CRIM1: variants seen among roughly 807,000 people sequenced by gnomAD.
CRIM1 encodes cysteine-rich motor neuron 1 protein.
CRIM1 carries 32 observed loss-of-function variants against 116.4 expected under a neutral mutation model. The observed-to-expected ratio is 0.27, with a 90% confidence interval of 0.21 to 0.37. CRIM1 has a LOEUF of 0.37. Among genes scored for constraint, CRIM1 ranks in the 10% least tolerant of loss-of-function variants. The probability of loss-of-function intolerance (pLI) is 1.00; values close to 1 mark genes in which losing one functional copy is unlikely to be tolerated. For missense variants in CRIM1, 1,331 were observed against 1,354.8 expected, an observed-to-expected ratio of 0.98 and a Z score of 0.28; for synonymous variants, 590 against 509.2, an observed-to-expected ratio of 1.16 and a Z score of -2.13.
Position 36,499,209 on chromosome 2 carries a change from T to C in CRIM1, c.1373-10T>C, listed in dbSNP as rs375715855. ...TTTCATTGGTTATTTTTTTCTCTAT[T>C]TATTATTAGAACCAACCATCATCAC... is the stretch of plus-strand genomic sequence containing the variant. On this transcript the variant is annotated splice_polypyrimidine_tract_variant and intron_variant, in intron 7 of 16. Transcript: ENST00000280527. 4.4e-6 allele frequency: 7 copies of C among 1,600,804 alleles called. No individual in the cohort carries two copies. The African/African-American group carries it at 9.4e-5, about 21-fold the overall frequency.
chr2:36,444,566 A>G (rs1676100245), intron 4 of CRIM1, among the ~76,000 whole-genome samples: 1 of 152,262 alleles, frequency 6.6e-6, no homozygotes, highest in Non-Finnish European at 1.5e-5. Flanking sequence ...TCAGCATTCA[A>G]AAATGAAGAA....
chr2:36,526,176 C>T (rs576906857), intron 13 of CRIM1, among the ~76,000 whole-genome samples: 2 of 151,050 alleles, frequency 1.3e-5, no homozygotes, highest in East Asian at 1.9e-4. Context: ...TCTTCTGATT[C>T]CCTAATTTTT....
Position 36,550,879 on chromosome 2 carries a change from A to AG in CRIM1, c.*2180dup, listed in dbSNP as rs1667727698. On this transcript the variant is annotated 3_prime_UTR_variant, in exon 17 of 17. Coordinates refer to ENST00000280527, the MANE Select transcript of CRIM1 (RefSeq NM_016441.3). ...TATTATGAAAATACTAACAGGATATAGGACAAGGTGTAAATTTTTTTATTA... is the reference window on the plus strand; with the variant it reads ...TATTATGAAAATACTAACAGGATATAGGGACAAGGTGTAAATTTTTTTATTA... 1 of 152,574 alleles carries AG rather than the reference A, an allele frequency of 6.6e-6. No individual in the cohort carries two copies. The highest frequency in any genetic ancestry group is 1.5e-5 in the Non-Finnish European group (1 of 68,010). The allele number at this position is 152,574 out of a possible 1,614,324, so 9.5% of individuals were successfully genotyped here. A position where few individuals can be genotyped will look rare whatever the true frequency, so the allele number is the denominator to read the frequency against.
intron 5 of CRIM1, among the ~76,000 whole-genome samples, chr2:36,476,091 T>A (rs982308523): frequency 6.6e-6 from 1 of 152,078 alleles, no homozygotes; most frequent in African/African-American, 2.4e-5. Flanking sequence ...AGAATGAATG[T>A]AGGGAGAGTG....
chr2:36,528,898 A>G (rs1285536002), intron 13 of CRIM1, among the ~76,000 whole-genome samples: 1 of 152,206 alleles, frequency 6.6e-6, no homozygotes, highest in Non-Finnish European at 1.5e-5. Flanking sequence ...CTAGGAAGCA[A>G]CTGATCTTGC....
Position 36,396,753 on chromosome 2 carries a change from G to A in CRIM1, c.471G>A (p.Gln157=), listed in dbSNP as rs1435599830. 2 of 1,613,016 alleles carry A rather than the reference G, an allele frequency of 1.2e-6. No homozygotes were observed. Among genetic ancestry groups the A allele is most frequent in the South Asian group, 2.2e-5 (2 of 90,982 alleles). The change falls in exon 2 of 17, where the codon CAG becomes CAA. Residue 157 remains glutamine (Q), a synonymous_variant. Transcript: ENST00000280527. ...TCSNPFEFPS[Q]DMCLSALKRI... is the part of the protein sequence containing the mutation. ...GCAATCCCTTTGAGTTTCCAAGTCAGGATATGTGCCTTTCAGCTTTAAAGA... is the reference window on the plus strand; with the variant it reads ...GCAATCCCTTTGAGTTTCCAAGTCAAGATATGTGCCTTTCAGCTTTAAAGA...
intron 2 of CRIM1, among the ~76,000 whole-genome samples, chr2:36,399,998 G>A (rs79545093): frequency 3.7e-4 from 56 of 152,306 alleles, no homozygotes; most frequent in African/African-American, 8.9e-4. Flanking sequence ...GCACAGTTGC[G>A]TGATTTTCTC....
chr2:36,491,210 G>A (rs1680203237), intron 7 of CRIM1, among the ~76,000 whole-genome samples: 1 of 152,150 alleles, frequency 6.6e-6, no homozygotes, highest in Admixed American at 6.6e-5. Context: ...CTTCTATAAT[G>A]CTTTGTGTAC....
chr2:36,518,261 TTAAATA>T, intron 12 of CRIM1, among the ~76,000 whole-genome samples: 1 of 152,378 alleles, frequency 6.6e-6, no homozygotes, highest in Middle Eastern at 3.4e-3. Context: ...CAAAAGATAT[TTAAATA>T]TAAAATTATC....
intron 13 of CRIM1, among the ~76,000 whole-genome samples, chr2:36,525,926 G>T (rs1665726369): frequency 6.6e-6 from 1 of 152,152 alleles, no homozygotes; most frequent in African/African-American, 2.4e-5. Context: ...TGTGTTCCTT[G>T]TGTCAAATTG....
At chr2:36,513,864 A>G (rs903531812) in intron 11 of CRIM1, 99 bp downstream of exon 11, 26 of 1,015,572 alleles carry the variant, frequency 2.6e-5, no homozygotes, top group African/African-American at 2.4e-4. Context: ...GGAGGGGACA[A>G]CCCCTGGAAC....
chr2:36,391,969 G>A (rs1224553186), intron 1 of CRIM1, among the ~76,000 whole-genome samples: 4 of 152,108 alleles, frequency 2.6e-5, no homozygotes, highest in South Asian at 2.1e-4. Context: ...GCCCTTGATC[G>A]AAGCAATACA....
chr2:36,494,324 A>C (rs960240094), intron 7 of CRIM1, among the ~76,000 whole-genome samples: 2 of 152,192 alleles, frequency 1.3e-5, no homozygotes, highest in African/African-American at 4.8e-5. Context: ...TCTAATTTGT[A>C]AAAAATACTA....
At chr2:36,373,345 A>T (rs1186324131) in intron 1 of CRIM1, among the ~76,000 whole-genome samples, 1 of 152,210 alleles carries the variant, frequency 6.6e-6, no homozygotes. Flanking sequence ...ACTGAAAAAT[A>T]GACTTCCTGG....
At chr2:36,467,880 C>T (rs190945536) in intron 5 of CRIM1, among the ~76,000 whole-genome samples, 84 of 152,276 alleles carry the variant, frequency 5.5e-4, no homozygotes, top group Non-Finnish European at 1.0e-3. Context: ...AGAGATTTTT[C>T]ATATGGAAAG....
chr2:36,545,091 T>G (rs1667222897), intron 15 of CRIM1, among the ~76,000 whole-genome samples: 1 of 152,184 alleles, frequency 6.6e-6, no homozygotes, highest in Non-Finnish European at 1.5e-5. Flanking sequence ...AAAGTAGACC[T>G]CTTCTTGATC....
intron 5 of CRIM1, among the ~76,000 whole-genome samples, chr2:36,475,645 T>C (rs1268411157): frequency 2.0e-5 from 3 of 152,360 alleles, no homozygotes; most frequent in African/African-American, 7.2e-5. Context: ...ACACACCTCA[T>C]TGTCTTGTTC....
intron 1 of CRIM1, among the ~76,000 whole-genome samples, chr2:36,386,146 T>C (rs962489453): frequency 6.6e-6 from 1 of 152,208 alleles, no homozygotes; most frequent in Non-Finnish European, 1.5e-5. Flanking sequence ...GATTTTAGGT[T>C]AGAGCATCCA....
intron 8 of CRIM1, among the ~76,000 whole-genome samples, chr2:36,508,951 C>T (rs1681615170): frequency 6.6e-6 from 1 of 152,096 alleles, no homozygotes; most frequent in South Asian, 2.1e-4. Flanking sequence ...GTTACTTAAA[C>T]CTTAATATGA....
Sources: gnomAD v4.1 joint callset for allele counts (sites outside exome capture counted in the v4.1 genomes callset) on GRCh38, gnomAD v4.1.1 for gene constraint, MANE v1.5 for transcripts, NCBI Gene and HGNC (gene_info 2026-07-23, HGNC 2026-07-21) for gene names.